Variants in SORCS2 observed in about 807,000 individuals in gnomAD.
SORCS2 encodes the protein sortilin related VPS10 domain containing receptor 2, also known as VPS10 domain-containing receptor SorCS2.
A neutral mutation model predicts 141.6 loss-of-function variants in SORCS2; 100 were observed. That is an observed-to-expected ratio of 0.71 (90% CI 0.60 to 0.83). The LOEUF (loss-of-function observed/expected upper bound fraction) is 0.83. Ranked by LOEUF, SORCS2 falls within the 40% of genes least tolerant of loss-of-function variation. The pLI, the probability that SORCS2 is intolerant of heterozygous loss-of-function variation, is 0.00. For missense variants in SORCS2, 1,646 were observed against 1,560.2 expected, an observed-to-expected ratio of 1.05 and a Z score of -0.93; for synonymous variants, 789 against 676.9, an observed-to-expected ratio of 1.17 and a Z score of -2.57.
chr4:7,383,650 G>A (rs774682901), intron 1 of SORCS2, among the ~76,000 whole-genome samples: 2 of 152,126 alleles, frequency 1.3e-5, no homozygotes, highest in African/African-American at 4.8e-5. Context: ...CAGCTTATCC[G>A]ATTACCTTTT....
intron 2 of SORCS2, among the ~76,000 whole-genome samples, chr4:7,425,832 G>GGCAGGGAC (rs1726396435): frequency 6.6e-6 from 1 of 152,252 alleles, no homozygotes; most frequent in Non-Finnish European, 1.5e-5. Context: ...AGCATCCCGA[G>GGCAGGGAC]GCAGGGACGG....
chr4:7,647,699 G>A (rs953935343), intron 4 of SORCS2, among the ~76,000 whole-genome samples: 3 of 152,186 alleles, frequency 2.0e-5, no homozygotes, highest in African/African-American at 7.2e-5. Flanking sequence ...AGGGCAGGGG[G>A]GTCGCCAGCC....
chr4:7,320,524 T>C (rs1222890101), intron 1 of SORCS2, among the ~76,000 whole-genome samples: 1 of 152,212 alleles, frequency 6.6e-6, no homozygotes, highest in African/African-American at 2.4e-5. Context: ...GCTTTCTGAG[T>C]CTGTTGCCAG....
chr4:7,192,940 C>A lies in SORCS2; in HGVS notation c.294C>A (p.Pro98=). Residue 98 remains proline, a synonymous_variant, in exon 1 of 27, where the codon CCC becomes CCA. Coordinates refer to ENST00000507866, the MANE Select transcript of SORCS2 (RefSeq NM_020777.3). This position sits in a 1 kb window ranked among gnomAD's most constrained non-coding sequence, Gnocchi z 4.0. Reference sequence around the variant, plus strand: ...AGCCAGGCGCCCCGGGTCCGAGTCCCGGTCCCGCTCCTGGTCCCGGCGAGG... The same window carrying A: ...AGCCAGGCGCCCCGGGTCCGAGTCCAGGTCCCGCTCCTGGTCCCGGCGAGG... ...GTEPGAPGPS[P]GPAPGPGEDG... 1 of 1,297,054 alleles carries A rather than the reference C, an allele frequency of 7.7e-7. No homozygotes were observed. Among genetic ancestry groups the A allele is most frequent in the Non-Finnish European group, 9.7e-7 (1 of 1,028,166 alleles). The allele number at this position is 1,297,054 out of a possible 1,614,324, so 80.3% of individuals were successfully genotyped here.
rs1354770543 is a variant in SORCS2, at chr4:7,233,944, C to T, written c.480+40818C>T. On this transcript the variant is annotated intron_variant, in intron 1 of 26. Transcript: ENST00000507866. The surrounding 1 kb of genome is among the most constrained non-coding windows in gnomAD (Gnocchi z 4.5). ...ATCTGTAAAAGGAGGCTGTTGGGCT[C>T]AGGAGCAAGATGGAAAGGGGGTGGG... Among the ~76,000 whole-genome samples, 1 of 152,158 alleles carries T rather than the reference C, an allele frequency of 6.6e-6. No homozygotes were observed.
intron 1 of SORCS2, among the ~76,000 whole-genome samples, chr4:7,224,160 T>C (rs909839862): frequency 3.3e-5 from 5 of 152,208 alleles, no homozygotes; most frequent in South Asian, 2.1e-4. Context: ...CTGGGAAGTC[T>C]CCAGGAAGCT....
intron 1 of SORCS2, among the ~76,000 whole-genome samples, chr4:7,338,407 GTC>G (rs1720154479): frequency 4.3e-5 from 6 of 140,510 alleles, no homozygotes; most frequent in African/African-American, 1.7e-4. Context: ...ATGGTTGGAT[GTC>G]GGTTGGATGG....
chr4:7,493,954 A>C (rs1731457394), intron 2 of SORCS2, among the ~76,000 whole-genome samples: 1 of 152,202 alleles, frequency 6.6e-6, no homozygotes, highest in African/African-American at 2.4e-5. Context: ...CATCTGGTGC[A>C]TTATGTTCAG....
chr4:7,455,109 GGA>G (rs1165203695), intron 2 of SORCS2, among the ~76,000 whole-genome samples: 7 of 80,242 alleles, frequency 8.7e-5, no homozygotes, highest in African/African-American at 2.9e-4. Flanking sequence ...GTTGGGGTCA[GGA>G]GCTGTGTGTT....
At chr4:7,715,372 C>G in intron 17 of SORCS2, 61 bp downstream of exon 17, 1 of 1,588,818 alleles carries the variant, frequency 6.3e-7, no homozygotes, top group Non-Finnish European at 8.6e-7. Context: ...GGTGCAGCCC[C>G]GAAACCACGC....
chr4:7,725,018 T>C, intron 19 of SORCS2, 136 bp from the exon 20 acceptor site: 1 of 922,016 alleles, frequency 1.1e-6, no homozygotes, highest in Non-Finnish European at 1.6e-6. Context: ...GTGGTGGTGG[T>C]GGTGGTGGTG....
At chr4:7,468,582 C>T (rs565676990) in intron 2 of SORCS2, among the ~76,000 whole-genome samples, 7 of 152,346 alleles carry the variant, frequency 4.6e-5, no homozygotes, top group South Asian at 2.1e-4. Flanking sequence ...AATGCATCAA[C>T]GCGTAGAGTG....
At chr4:7,606,048 C>G (rs1410241511) in intron 3 of SORCS2, among the ~76,000 whole-genome samples, 1 of 152,192 alleles carries the variant, frequency 6.6e-6, no homozygotes, top group Non-Finnish European at 1.5e-5. Context: ...GAGAGGTGCT[C>G]TGGCCGGTTG....
rs563144619 is a variant in SORCS2 at position 7,310,142 on chromosome 4, A to T, written c.481-86146A>T. Reference sequence around the variant, plus strand: ...CCTGGGGGATGGAGAGCCAGCAGTCATGCTTGTGCGTGGAGAGCTGACGGC... The same window carrying T: ...CCTGGGGGATGGAGAGCCAGCAGTCTTGCTTGTGCGTGGAGAGCTGACGGC... On this transcript the variant is annotated intron_variant, in intron 1 of 26. Transcript: ENST00000507866. 1.6e-3 allele frequency among the ~76,000 whole-genome samples: 242 copies of T among 152,348 alleles called. 3 individuals carry two copies. Among genetic ancestry groups the T allele is most frequent in the South Asian group, 5.0e-3 (24 of 4,830 alleles).
At chr4:7,690,635 A>G (rs1724183614) in intron 11 of SORCS2, among the ~76,000 whole-genome samples, 1 of 151,688 alleles carries the variant, frequency 6.6e-6, no homozygotes, top group South Asian at 2.1e-4. Context: ...GGTGGATGAT[A>G]GACGGATGAT....
chr4:7,535,864 C>T (rs780941792), intron 3 of SORCS2, among the ~76,000 whole-genome samples: 5 of 152,264 alleles, frequency 3.3e-5, no homozygotes, highest in Non-Finnish European at 5.9e-5. Context: ...CTGGTTCCCT[C>T]AGGCCCGGGT....
chr4:7,265,593 G>C (rs1714671783), intron 1 of SORCS2, among the ~76,000 whole-genome samples: 1 of 152,198 alleles, frequency 6.6e-6, no homozygotes, highest in Admixed American at 6.5e-5. Context: ...GATGTTCCCA[G>C]GCTGCAGTGG....
chr4:7,717,938 C>A (rs555501986), intron 17 of SORCS2, 74 bp from the exon 18 acceptor site: 24 of 1,439,282 alleles, frequency 1.7e-5, no homozygotes, highest in Non-Finnish European at 2.1e-5. Flanking sequence ...GCAAGCACGT[C>A]CCTCCCCAGA....
intron 2 of SORCS2, among the ~76,000 whole-genome samples, chr4:7,459,790 A>C (rs1729173555): frequency 6.6e-6 from 1 of 152,098 alleles, no homozygotes; most frequent in Non-Finnish European, 1.5e-5. Flanking sequence ...TGGGTTCAGG[A>C]GCCTTGAGGG....
Sources: gnomAD v4.1 joint callset for allele counts (sites outside exome capture counted in the v4.1 genomes callset) on GRCh38, gnomAD v4.1.1 for gene constraint, Gnocchi (gnomAD v3.1) non-coding constraint, MANE v1.5 for transcripts, NCBI Gene and HGNC (gene_info 2026-07-23, HGNC 2026-07-21) for gene names.